Variants in ANXA6 observed in about 807,000 individuals in gnomAD.
ANXA6 encodes the protein 67 kDa calelectrin.
In ANXA6, 71 loss-of-function variants were observed where a neutral mutation model predicts 95.4. The observed-to-expected ratio is 0.74, with a 90% confidence interval of 0.61 to 0.91. The LOEUF is 0.91. Ranked by LOEUF, ANXA6 falls within the 40% of genes least tolerant of loss-of-function variation. The probability of loss-of-function intolerance (pLI) is 0.00; values close to 1 mark genes in which losing one functional copy is unlikely to be tolerated. For synonymous variants in ANXA6, 289 were observed against 315.9 expected (o/e 0.91, Z 0.90); for missense variants, 830 against 876.4 (o/e 0.95, Z 0.67).
At chr5:151,114,414 C>G (rs1244699343) in intron 20 of ANXA6, among the ~76,000 whole-genome samples, 1 of 151,672 alleles carries the variant, frequency 6.6e-6, no homozygotes, top group East Asian at 1.9e-4. Context: ...GAGTTCATAA[C>G]CAGCCTGGCC....
intron 7 of ANXA6, among the ~76,000 whole-genome samples, chr5:151,134,751 C>T (rs900991602): frequency 1.3e-5 from 2 of 152,134 alleles, no homozygotes; most frequent in African/African-American, 4.8e-5. Flanking sequence ...GTGTCCCCAG[C>T]CCAGAGGTAG....
Position 151,108,777 on chromosome 5 carries a change from TC to T in ANXA6, c.1685-228del, listed in dbSNP as rs905544425. On this transcript the variant is annotated intron_variant, in intron 22 of 25. Coordinates refer to ENST00000354546, the MANE Select transcript of ANXA6 (RefSeq NM_001155.5). ...CAGAGCCAAATCTGTCCCACGCCAG[TC>T]CCCGTGCCTGGCCAATGGTCTTAGA... 5.9e-5 allele frequency among the ~76,000 whole-genome samples: 9 copies of T among 152,306 alleles called. No homozygotes were observed. In the South Asian group the frequency reaches 1.0e-3, roughly 18 times the overall value.
At chr5:151,121,897 G>T (rs989466064) in intron 17 of ANXA6, among the ~76,000 whole-genome samples, 1 of 152,208 alleles carries the variant, frequency 6.6e-6, no homozygotes. Flanking sequence ...AAGCCAGAAG[G>T]GAGGACAGCA....
At chr5:151,156,579 T>A (rs529105766) in intron 1 of ANXA6, among the ~76,000 whole-genome samples, 1 of 152,198 alleles carries the variant, frequency 6.6e-6, no homozygotes, top group South Asian at 2.1e-4. Flanking sequence ...GGCGGACTCT[T>A]GGGGGGAAAC....
At chr5:151,116,266 T>TA (rs1268677377) in intron 20 of ANXA6, among the ~76,000 whole-genome samples, 1 of 152,326 alleles carries the variant, frequency 6.6e-6, no homozygotes, top group African/African-American at 2.4e-5. Context: ...TGGATGTCTA[T>TA]AAAAGTCTGT....
intron 2 of ANXA6, among the ~76,000 whole-genome samples, chr5:151,145,450 G>A (rs1444051006): frequency 2.6e-5 from 4 of 152,218 alleles, no homozygotes; most frequent in African/African-American, 9.7e-5. Context: ...ACAGCGCCAT[G>A]CCTCCTGGGT....
At chr5:151,155,568 CAGG>C (rs911961013) in intron 1 of ANXA6, 10 of 152,160 alleles carry the variant, frequency 6.6e-5, no homozygotes, top group Non-Finnish European at 1.5e-4. Context: ...CCTCTATTGG[CAGG>C]AGAAGGGGTG....
intron 12 of ANXA6, chr5:151,128,496 T>C (rs1161523733): frequency 2.2e-6 from 1 of 458,470 alleles, no homozygotes; most frequent in Non-Finnish European, 4.0e-6. Context: ...GTTACCAATA[T>C]GACTTTGCTA....
In ANXA6 at chr5:151,134,497, CAAAG is replaced by C; in HGVS notation, c.490-18_490-15del. 3 of 1,613,974 alleles carry C rather than the reference CAAAG, an allele frequency of 1.9e-6. No individual in the cohort carries two copies. In the South Asian group the frequency reaches 3.3e-5, roughly 18 times the overall value. ...CTCCCTGGTTCCCTGGGCAGAAAGA[CAAAG>C]AACATGTGTTTCAAACACTGCAAAG... On this transcript the variant is annotated splice_polypyrimidine_tract_variant and intron_variant, in intron 7 of 25. Transcript: ENST00000354546.
chr5:151,152,627 T>C (rs1171421028), intron 1 of ANXA6, among the ~76,000 whole-genome samples: 1 of 152,238 alleles, frequency 6.6e-6, no homozygotes, highest in Non-Finnish European at 1.5e-5. Context: ...AAAGGGGTAA[T>C]GGGTATGACA....
At chr5:151,139,154 G>A in intron 4 of ANXA6, 199 bp downstream of exon 4, 1 of 594,286 alleles carries the variant, frequency 1.7e-6, no homozygotes, top group Non-Finnish European at 3.0e-6. Flanking sequence ...CCTAGCACGA[G>A]CCCAGCATAC....
At chr5:151,155,959 C>T (rs1030527856) in intron 1 of ANXA6, among the ~76,000 whole-genome samples, 11 of 152,320 alleles carry the variant, frequency 7.2e-5, no homozygotes, top group African/African-American at 2.6e-4. Flanking sequence ...CTGCAGTCTC[C>T]CCCACTTCAT....
chr5:151,140,518 A>G lies in ANXA6; in HGVS notation c.19-275T>C. On this transcript the variant is annotated intron_variant, in intron 2 of 25. Coordinates refer to ENST00000354546, the MANE Select transcript of ANXA6 (RefSeq NM_001155.5). ...CCTTCCAAAGCATCCAGGAGAGGGT[A>G]AAAAAGCCTGGCTGAGTATAGGAGA... 3 of 332,988 alleles carry G rather than the reference A, an allele frequency of 9.0e-6. No individual in the cohort carries two copies. In the South Asian group the frequency reaches 1.3e-4, roughly 14 times the overall value. 20.6% of individuals were successfully genotyped at this position (332,988 alleles called of 1,614,324 possible). A position where few individuals can be genotyped will look rare whatever the true frequency, so the allele number is the denominator to read the frequency against.
intron 6 of ANXA6, 64 bp downstream of exon 6, chr5:151,137,167 C>A: frequency 7.3e-7 from 1 of 1,373,738 alleles, no homozygotes. Context: ...TTAGTGTCCC[C>A]ACTGTTGCAA....
chr5:151,142,242 G>A (rs1765858384), intron 2 of ANXA6, among the ~76,000 whole-genome samples: 1 of 152,200 alleles, frequency 6.6e-6, no homozygotes, highest in Admixed American at 6.5e-5. Flanking sequence ...CACTTTGGGA[G>A]GCTAGACGGG....
intron 25 of ANXA6, among the ~76,000 whole-genome samples, chr5:151,101,925 A>G (rs1054118726): frequency 6.6e-6 from 1 of 152,170 alleles, no homozygotes; most frequent in African/African-American, 2.4e-5. Context: ...AGGCACAGTG[A>G]ACTCTGGCCT....
chr5:151,101,092 C>G lies in ANXA6; in HGVS notation c.*356G>C. The G allele has an allele frequency of 4.1e-6, 2 of 493,050 alleles. No individual in the cohort carries two copies. Among genetic ancestry groups the G allele is most frequent in the South Asian group, 3.2e-5 (2 of 62,384 alleles). The allele number at this position is 493,050 out of a possible 1,614,324, so 30.5% of individuals were successfully genotyped here. On this transcript the variant is annotated 3_prime_UTR_variant, in exon 26 of 26. Transcript: ENST00000354546. ...GCCACCAACCCCCTCATTCAAAGTA[C>G]AGACACTACTCATTTTACAGACAGA...
At chr5:151,146,376 C>T (rs1765975882) in intron 2 of ANXA6, among the ~76,000 whole-genome samples, 1 of 152,180 alleles carries the variant, frequency 6.6e-6, no homozygotes, top group African/African-American at 2.4e-5. Flanking sequence ...GTCAGAGAGG[C>T]CACTTGTACA....
At chr5:151,138,885 G>A in intron 4 of ANXA6, 94 bp from the exon 5 acceptor site, 1 of 858,002 alleles carries the variant, frequency 1.2e-6, no homozygotes, top group Non-Finnish European at 1.9e-6. Context: ...ACTCTGGCAG[G>A]TGCTGGGCTA....
Sources: gnomAD v4.1 joint callset for allele counts (sites outside exome capture counted in the v4.1 genomes callset) on GRCh38, gnomAD v4.1.1 for gene constraint, MANE v1.5 for transcripts, NCBI Gene and HGNC (gene_info 2026-07-23, HGNC 2026-07-21) for gene names.